Variants in MYO16 observed in about 807,000 individuals in gnomAD.
MYO16 encodes the protein myosin XVI.
A neutral mutation model predicts 205.3 loss-of-function variants in MYO16; 94 were observed. That is an observed-to-expected ratio of 0.46 (90% confidence interval 0.39 to 0.54). MYO16 has a LOEUF of 0.54. Ranked by LOEUF, MYO16 falls within the 20% of genes least tolerant of loss-of-function variation. MYO16 has a pLI of 0.00. For synonymous variants in MYO16, 988 were observed against 954.0 expected, an observed-to-expected ratio of 1.04 and a Z score of -0.66; for missense variants, 2,315 against 2,387.5, an observed-to-expected ratio of 0.97 and a Z score of 0.63.
intron 20 of MYO16, among the ~76,000 whole-genome samples, chr13:108,974,960 AT>A (rs1884198494): frequency 6.6e-6 from 1 of 152,206 alleles, no homozygotes; most frequent in South Asian, 2.1e-4. Flanking sequence ...CATCTATACT[AT>A]TTGTACAGAT....
chr13:108,862,623 C>G (rs1878500095), intron 11 of MYO16, among the ~76,000 whole-genome samples: 1 of 152,134 alleles, frequency 6.6e-6, no homozygotes, highest in African/African-American at 2.4e-5. Context: ...ATATCTTGAT[C>G]ATTACAGCTA....
chr13:108,509,641 T>A, the MYO16 span, among the ~76,000 whole-genome samples: 1 of 152,194 alleles, frequency 6.6e-6, no homozygotes, highest in Non-Finnish European at 1.5e-5. Context: ...TGACTTTATT[T>A]TACCTTTGGT....
intron 4 of MYO16, among the ~76,000 whole-genome samples, chr13:108,757,432 A>T (rs1885454991): frequency 6.6e-6 from 1 of 152,178 alleles, no homozygotes; most frequent in Non-Finnish European, 1.5e-5. Flanking sequence ...TCATCCAAAG[A>T]CTTACAGTCA....
intron 23 of MYO16, among the ~76,000 whole-genome samples, chr13:109,022,624 A>ATATTTC (rs1555325045): frequency 1.5e-5 from 2 of 134,988 alleles, no homozygotes; most frequent in African/African-American, 5.5e-5. Context: ...ACATATGTAT[A>ATATTTC]TATATTATAT....
chr13:109,060,286 C>T (rs1056581433), intron 27 of MYO16, among the ~76,000 whole-genome samples: 10 of 152,076 alleles, frequency 6.6e-5, no homozygotes, highest in Non-Finnish European at 1.0e-4. Context: ...ACATATACAC[C>T]GTGGAATACT....
chr13:108,701,124 C>A (rs1308814505), intron 2 of MYO16, among the ~76,000 whole-genome samples: 1 of 152,098 alleles, frequency 6.6e-6, no homozygotes, highest in African/African-American at 2.4e-5. Context: ...GTAATATAGA[C>A]ATTGCAGATT....
At chr13:108,855,672 A>G in intron 11 of MYO16, 119 bp downstream of exon 11, 1 of 633,870 alleles carries the variant, frequency 1.6e-6, no homozygotes, top group Non-Finnish European at 2.6e-6. Context: ...TAGTGGTGAT[A>G]GCTGAAGTTG....
intron 31 of MYO16, among the ~76,000 whole-genome samples, chr13:109,131,964 T>C (rs1306720869): frequency 6.6e-6 from 1 of 152,196 alleles, no homozygotes; most frequent in African/African-American, 2.4e-5. Flanking sequence ...AGCCGAGACA[T>C]GGCAAGGGCT....
chr13:108,592,464 G>A (rs993725860), upstream of MYO16, among the ~76,000 whole-genome samples: 7 of 108,994 alleles, frequency 6.4e-5, no homozygotes, highest in African/African-American at 1.1e-4. Context: ...GTGGGGGTGC[G>A]GTGTATGGGG....
intron 27 of MYO16, among the ~76,000 whole-genome samples, chr13:109,076,076 T>C (rs1489175114): frequency 1.3e-5 from 2 of 152,210 alleles, no homozygotes; most frequent in Non-Finnish European, 2.9e-5. Flanking sequence ...AGTACTCCCT[T>C]ATTATCCTTT....
intron 23 of MYO16, among the ~76,000 whole-genome samples, chr13:109,033,526 G>T (rs1886610646): frequency 6.6e-6 from 1 of 152,132 alleles, no homozygotes; most frequent in Admixed American, 6.5e-5. Flanking sequence ...TCAGCTGTCA[G>T]CAACAAGACA....
chr13:109,138,334 A>G (rs1246397574), intron 31 of MYO16, among the ~76,000 whole-genome samples: 1 of 152,220 alleles, frequency 6.6e-6, no homozygotes, highest in Non-Finnish European at 1.5e-5. Flanking sequence ...AAATAATTGA[A>G]GATTTGGGAG....
chr13:108,550,851 T>C, the MYO16 span, among the ~76,000 whole-genome samples: 1 of 152,316 alleles, frequency 6.6e-6, no homozygotes, highest in Admixed American at 6.5e-5. Flanking sequence ...CAATGGTAAC[T>C]TGCTCCTTGA....
Position 109,141,920 on chromosome 13 carries a change from G to A in MYO16, c.5164+544G>A, listed in dbSNP as rs961884217. ...TTTGGGATGAACTGCTTTTCTTCTG[G>A]TCGTATGCCATCCAAGGAGCACTCT... On this transcript the variant is annotated intron_variant, in intron 32 of 34. Transcript: ENST00000457511. The surrounding 1 kb of genome is among the most constrained non-coding windows in gnomAD (Gnocchi z 4.1). Among the ~76,000 whole-genome samples the A allele has an allele frequency of 6.6e-6, 1 of 152,034 alleles. No individual in the cohort carries two copies. Among genetic ancestry groups the A allele is most frequent in the Non-Finnish European group, 1.5e-5 (1 of 68,008 alleles).
intron 9 of MYO16, among the ~76,000 whole-genome samples, chr13:108,838,011 A>G (rs1877017137): frequency 6.6e-6 from 1 of 152,188 alleles, no homozygotes; most frequent in African/African-American, 2.4e-5. Context: ...AGAAAAAAAT[A>G]TGATTGATAG....
At chr13:108,693,919 T>C (rs1430319309) in intron 2 of MYO16, among the ~76,000 whole-genome samples, 1 of 152,178 alleles carries the variant, frequency 6.6e-6, no homozygotes, top group Non-Finnish European at 1.5e-5. Context: ...GTCCATGTGT[T>C]CTCATCATTT....
chr13:109,124,238 C>T (rs1876131201), intron 29 of MYO16, among the ~76,000 whole-genome samples: 1 of 152,098 alleles, frequency 6.6e-6, no homozygotes, highest in Non-Finnish European at 1.5e-5. Flanking sequence ...GCTGATCTGC[C>T]CCCTGGAGAG....
At position 108,838,098 on chromosome 13, in the gene MYO16, C is replaced by T. The variant is rs116119354; in HGVS notation, c.1098-6245C>T. Among the ~76,000 whole-genome samples the T allele has an allele frequency of 2.4e-3, 371 of 152,246 alleles. 4 individuals are homozygous for T. The highest frequency in any genetic ancestry group is 8.6e-3 in the African/African-American group (358 of 41,550). On this transcript the variant is annotated intron_variant, in intron 9 of 34. Coordinates refer to ENST00000457511, the MANE Select transcript of MYO16 (RefSeq NM_001198950.3). ...TGGCACATGGGTAAGCACACAGGTT[C>T]TGGAGCTTAGAACTGACAGATTCAA...
At chr13:108,658,208 A>G (rs1881330238) in intron 1 of MYO16, among the ~76,000 whole-genome samples, 1 of 151,988 alleles carries the variant, frequency 6.6e-6, no homozygotes, top group African/African-American at 2.4e-5. Context: ...GTTTGTTTTT[A>G]TTTCTGGTCT....
Sources: allele counts gnomAD v4.1 joint callset (sites outside exome capture counted in the v4.1 genomes callset), GRCh38; gene constraint gnomAD v4.1.1; non-coding constraint Gnocchi (gnomAD v3.1); transcripts MANE v1.5; gene names NCBI Gene and HGNC (gene_info 2026-07-23, HGNC 2026-07-21).